MYO3B: variants seen among roughly 807,000 people sequenced by gnomAD.
MYO3B encodes the protein myosin IIIB.
Under a neutral mutation model 174.6 loss-of-function variants are expected in MYO3B, and 156 were observed. That is an observed-to-expected ratio of 0.89 (90% confidence interval 0.78 to 1.02). The LOEUF is 1.02. Among genes scored for constraint, MYO3B ranks in the 50% least tolerant of loss-of-function variants. The pLI, the probability that MYO3B is intolerant of heterozygous loss-of-function variation, is 0.00. For missense variants in MYO3B, 1,632 were observed against 1,639.4 expected (o/e 1.00, Z 0.08); for synonymous variants, 563 against 569.1 (o/e 0.99, Z 0.15).
At chr2:170,303,422 C>G (rs1421242943) in intron 7 of MYO3B, among the ~76,000 whole-genome samples, 1 of 152,126 alleles carries the variant, frequency 6.6e-6, no homozygotes, top group African/African-American at 2.4e-5. Context: ...TGGTATTTCA[C>G]ATTCTCATTT....
At chr2:170,255,862 A>T (rs2093300424) in intron 7 of MYO3B, among the ~76,000 whole-genome samples, 1 of 152,250 alleles carries the variant, frequency 6.6e-6, no homozygotes. Context: ...GAGGCTCAAG[A>T]TTCGAGAGAA....
chr2:170,345,214 T>C (rs2094007434), intron 8 of MYO3B: 1 of 152,198 alleles, frequency 6.6e-6, no homozygotes, highest in African/African-American at 2.4e-5. Flanking sequence ...CAGTGATGAT[T>C]TCTGGCAGGG....
intron 20 of MYO3B, among the ~76,000 whole-genome samples, chr2:170,404,907 T>C (rs138557803): frequency 6.6e-6 from 1 of 152,348 alleles, no homozygotes; most frequent in Non-Finnish European, 1.5e-5. Context: ...ATAGGGCACC[T>C]CGTCCTGACA....
chr2:170,335,315 A>G (rs2093939747), intron 7 of MYO3B, 70 bp from the exon 8 acceptor site: 1 of 1,178,318 alleles, frequency 8.5e-7, no homozygotes, highest in African/African-American at 1.5e-5. Context: ...GATATCAATA[A>G]AAACAAGTTG....
chr2:170,461,421 T>C (rs2015821), intron 23 of MYO3B, among the ~76,000 whole-genome samples: 140,778 of 145,308 alleles, frequency 0.97, 68,324 homozygotes, highest in East Asian at 1. Flanking sequence ...TGCAGTGAGC[T>C]GAGATCGCAC....
chr2:170,209,125 T>C (rs2092745056), intron 3 of MYO3B, among the ~76,000 whole-genome samples: 1 of 152,222 alleles, frequency 6.6e-6, no homozygotes, highest in African/African-American at 2.4e-5. Flanking sequence ...AAGGGAAGCA[T>C]ACCCTTCCAG....
chr2:170,208,269 C>T (rs1192828127), intron 3 of MYO3B, among the ~76,000 whole-genome samples: 1 of 152,198 alleles, frequency 6.6e-6, no homozygotes, highest in Non-Finnish European at 1.5e-5. Context: ...GACTCCTTAT[C>T]ATAAGCCAAA....
At chr2:170,439,604 G>T (rs2094784287) in intron 22 of MYO3B, among the ~76,000 whole-genome samples, 2 of 151,980 alleles carry the variant, frequency 1.3e-5, no homozygotes, top group Admixed American at 1.3e-4. Flanking sequence ...CCATGTTTTG[G>T]TTTCATATCC....
chr2:170,401,796 C>CTTTTTA, intron 18 of MYO3B, 105 bp downstream of exon 18: 487 of 793,354 alleles, frequency 6.1e-4, no homozygotes, highest in Middle Eastern at 1.1e-3. Context: ...GATTTTCTTT[C>CTTTTTA]TTTTTCTTTT....
chr2:170,201,603 C>T (rs963036005), intron 3 of MYO3B, among the ~76,000 whole-genome samples: 3 of 119,570 alleles, frequency 2.5e-5, no homozygotes, highest in East Asian at 2.5e-4. Flanking sequence ...AGTTGCCTTC[C>T]TCAGAATATA....
intron 7 of MYO3B, among the ~76,000 whole-genome samples, chr2:170,313,401 A>G (rs1038692198): frequency 2.6e-5 from 4 of 152,318 alleles, no homozygotes; most frequent in African/African-American, 9.6e-5. Flanking sequence ...AATAAAGGTT[A>G]GGGGTTGGGG....
intron 7 of MYO3B, among the ~76,000 whole-genome samples, chr2:170,284,348 A>G (rs1486124469): frequency 6.6e-6 from 1 of 152,176 alleles, no homozygotes; most frequent in Non-Finnish European, 1.5e-5. Context: ...GACATTCCCT[A>G]TATTCAAATG....
At chr2:170,617,305 G>A (rs1298099848) in intron 32 of MYO3B, among the ~76,000 whole-genome samples, 1 of 152,174 alleles carries the variant, frequency 6.6e-6, no homozygotes, top group African/African-American at 2.4e-5. Flanking sequence ...AGGCTACAGG[G>A]AGCCAAATAT....
At chr2:170,525,426 G>A (rs1021278066) in intron 30 of MYO3B, among the ~76,000 whole-genome samples, 5 of 152,114 alleles carry the variant, frequency 3.3e-5, no homozygotes, top group African/African-American at 9.7e-5. Flanking sequence ...ATTTAATTTG[G>A]CCTGCATATG....
At chr2:170,449,905 A>G (rs1359519732) in intron 23 of MYO3B, among the ~76,000 whole-genome samples, 1 of 152,220 alleles carries the variant, frequency 6.6e-6, no homozygotes, top group Non-Finnish European at 1.5e-5. Flanking sequence ...TTCCAATAAC[A>G]CAATTTCTAC....
chr2:170,201,443 C>T (rs1033352083), intron 3 of MYO3B, among the ~76,000 whole-genome samples: 2 of 152,168 alleles, frequency 1.3e-5, no homozygotes, highest in Admixed American at 6.5e-5. Context: ...TGTCTGGTAC[C>T]TCTTGTCCAC....
At chr2:170,556,363 A>G (rs1369158714) in intron 32 of MYO3B, among the ~76,000 whole-genome samples, 2 of 152,122 alleles carry the variant, frequency 1.3e-5, no homozygotes, top group African/African-American at 4.8e-5. Context: ...TAGGAGCATG[A>G]TTACTGGATT....
intron 32 of MYO3B, among the ~76,000 whole-genome samples, chr2:170,570,828 A>G (rs1393770888): frequency 6.6e-6 from 1 of 152,008 alleles, no homozygotes; most frequent in Non-Finnish European, 1.5e-5. Flanking sequence ...TTGCACAAAT[A>G]TCAAAATGCT....
chr2:170,465,253 T>C (rs1327941456), intron 24 of MYO3B, among the ~76,000 whole-genome samples: 1 of 152,132 alleles, frequency 6.6e-6, no homozygotes, highest in Non-Finnish European at 1.5e-5. Context: ...CAGCATCTAC[T>C]TGGCTTCTGG....
Sources: gnomAD v4.1 joint callset for allele counts (sites outside exome capture counted in the v4.1 genomes callset) on GRCh38, gnomAD v4.1.1 for gene constraint, MANE v1.5 for transcripts, NCBI Gene and HGNC (gene_info 2026-07-23, HGNC 2026-07-21) for gene names.